Variants in MECOM observed in about 807,000 individuals in gnomAD.
MECOM encodes the protein histone-lysine N-methyltransferase MECOM.
MECOM carries 13 observed loss-of-function variants against 116.3 expected under a neutral mutation model. The ratio of observed to expected loss-of-function variants is 0.11; its 90% confidence interval spans 0.07 to 0.18. The LOEUF is 0.18. MECOM is among the 10% of genes least tolerant of loss of function. The probability of loss-of-function intolerance (pLI) is 1.00; values close to 1 mark genes in which losing one functional copy is unlikely to be tolerated. For missense variants in MECOM, 1,299 were observed against 1,509.0 expected (o/e 0.86, Z 2.31); for synonymous variants, 528 against 535.2 (o/e 0.99, Z 0.19).
intron 16 of MECOM, among the ~76,000 whole-genome samples, 199 bp from the exon 17 acceptor site, chr3:169,085,242 A>G (rs1717289197): frequency 6.6e-6 from 1 of 152,192 alleles, no homozygotes; most frequent in African/African-American, 2.4e-5. Flanking sequence ...GGGCCCCAAA[A>G]GTGACACACG....
chr3:169,444,482 G>A (rs962912782), intron 1 of MECOM, among the ~76,000 whole-genome samples: 4 of 152,060 alleles, frequency 2.6e-5, no homozygotes, highest in South Asian at 2.1e-4. Context: ...AGGGGTTTCC[G>A]TTTTTGCCTC....
At chr3:169,404,699 A>C (rs1052745434) in intron 1 of MECOM, among the ~76,000 whole-genome samples, 3 of 152,178 alleles carry the variant, frequency 2.0e-5, no homozygotes, top group African/African-American at 7.2e-5. Flanking sequence ...AGCGCCACGC[A>C]GAGAAGGCTC....
chr3:169,341,571 C>A (rs1724534325), intron 2 of MECOM, among the ~76,000 whole-genome samples: 1 of 151,636 alleles, frequency 6.6e-6, no homozygotes, highest in South Asian at 2.1e-4. Context: ...GAAACTCCAT[C>A]TCTACTAAAA....
Position 169,157,203 on chromosome 3 carries a change from G to C in MECOM, c.376-13371C>G, listed in dbSNP as rs113454439. Among the ~76,000 whole-genome samples the C allele has an allele frequency of 5.7e-3, 867 of 152,288 alleles. 10 individuals are homozygous for C. The highest frequency in any genetic ancestry group is 0.02 in the African/African-American group (831 of 41,552). ...GGTGTATACTAAAGGAAGGAAGAAG[G>C]CTTAGTCAGGCAATTCTGGCCTCAG... On this transcript the variant is annotated intron_variant, in intron 2 of 16. Coordinates refer to ENST00000651503, the MANE Select transcript of MECOM (RefSeq NM_004991.4).
chr3:169,377,221 A>T (rs1409555221), intron 2 of MECOM, among the ~76,000 whole-genome samples: 1 of 152,200 alleles, frequency 6.6e-6, no homozygotes, highest in African/African-American at 2.4e-5. Context: ...AACCATAAAA[A>T]CTCTAGAAGA....
intron 1 of MECOM, among the ~76,000 whole-genome samples, chr3:169,488,372 C>CAAAAAAAAAAAAAA (rs758493062): frequency 3.2e-5 from 2 of 62,394 alleles, no homozygotes; most frequent in African/African-American, 1.1e-4. Flanking sequence ...ACTAAAAATA[C>CAAAAAAAAAAAAAA]AAAAAAAAAA....
At chr3:169,307,753 T>C (rs1717981120) in intron 2 of MECOM, among the ~76,000 whole-genome samples, 1 of 152,140 alleles carries the variant, frequency 6.6e-6, no homozygotes, top group African/African-American at 2.4e-5. Context: ...ACCATCCTTG[T>C]TTCCCATCTA....
rs140227219 is a variant in MECOM, at chr3:169,193,649, G to C, written c.376-49817C>G. ...ATATTTTCATGGAAAAACATTTAAA[G>C]AAAAAATATTAAATAAAAAATATTT... On this transcript the variant is annotated intron_variant, in intron 2 of 16. Transcript: ENST00000651503. Among the ~76,000 whole-genome samples the C allele has an allele frequency of 4.3e-3, 653 of 151,886 alleles. 4 individuals carry two copies. Among genetic ancestry groups the C allele is most frequent in the African/African-American group, 0.015 (632 of 41,484 alleles).
intron 5 of MECOM, among the ~76,000 whole-genome samples, chr3:169,125,274 C>T (rs1261040389): frequency 6.6e-6 from 1 of 152,072 alleles, no homozygotes; most frequent in African/African-American, 2.4e-5. Flanking sequence ...GAGATACCAA[C>T]AACTGTCGTT....
At chr3:169,098,514 A>G (rs1429626423) in intron 12 of MECOM, among the ~76,000 whole-genome samples, 1 of 152,192 alleles carries the variant, frequency 6.6e-6, no homozygotes, top group African/African-American at 2.4e-5. Flanking sequence ...TGATGCTGAC[A>G]TGTCTAACTT....
chr3:169,422,768 CA>C (rs1241876969), intron 1 of MECOM, among the ~76,000 whole-genome samples: 6 of 152,030 alleles, frequency 3.9e-5, no homozygotes, highest in Non-Finnish European at 7.4e-5. Context: ...ACTTCATAGT[CA>C]AAAAATACTC....
At chr3:169,368,620 C>A (rs1180054377) in intron 2 of MECOM, among the ~76,000 whole-genome samples, 1 of 151,988 alleles carries the variant, frequency 6.6e-6, no homozygotes, top group Admixed American at 6.6e-5. Context: ...TTGGTTATTT[C>A]CTATTACTTC....
intron 3 of MECOM, 73 bp downstream of exon 3, chr3:169,143,625 T>C: frequency 7.0e-7 from 1 of 1,422,516 alleles, no homozygotes; most frequent in Non-Finnish European, 9.4e-7. Flanking sequence ...CAGCTTACTG[T>C]TATTTTTATT....
At chr3:169,485,891 A>ATG (rs1183080551) in intron 1 of MECOM, among the ~76,000 whole-genome samples, 4 of 105,182 alleles carry the variant, frequency 3.8e-5, no homozygotes, top group South Asian at 3.0e-4. Context: ...ATATGTATAT[A>ATG]TAGTATATAT....
intron 1 of MECOM, among the ~76,000 whole-genome samples, chr3:169,489,020 A>C (rs1293133977): frequency 6.6e-6 from 1 of 152,132 alleles, no homozygotes; most frequent in Non-Finnish European, 1.5e-5. Context: ...AAAAGGAAGC[A>C]TAAATGAAAA....
intron 2 of MECOM, among the ~76,000 whole-genome samples, chr3:169,316,595 G>C (rs1719784006): frequency 6.6e-6 from 1 of 152,144 alleles, no homozygotes; most frequent in Non-Finnish European, 1.5e-5. Context: ...CTGTCACCCA[G>C]ACTGGAGTGC....
At chr3:169,346,343 A>T (rs1413850897) in intron 2 of MECOM, among the ~76,000 whole-genome samples, 1 of 152,112 alleles carries the variant, frequency 6.6e-6, no homozygotes, top group Non-Finnish European at 1.5e-5. Flanking sequence ...TCTTTGTAAA[A>T]TTAAATGAAC....
intron 2 of MECOM, among the ~76,000 whole-genome samples, chr3:169,217,980 A>T (rs1685643): frequency 6.6e-6 from 1 of 151,518 alleles, no homozygotes; most frequent in Admixed American, 6.6e-5. Context: ...ATCCTAAATT[A>T]TCAGTGACTC....
At chr3:169,660,958 G>A (rs1439162643) in intron 1 of MECOM, among the ~76,000 whole-genome samples, 1 of 152,168 alleles carries the variant, frequency 6.6e-6, no homozygotes, top group East Asian at 1.9e-4. Context: ...TTGAGATCTA[G>A]CTATCAGAAA....
Sources: allele counts gnomAD v4.1 joint callset (sites outside exome capture counted in the v4.1 genomes callset), GRCh38; gene constraint gnomAD v4.1.1; transcripts MANE v1.5; gene names NCBI Gene and HGNC (gene_info 2026-07-23, HGNC 2026-07-21).